ARHGAP12: variants seen among roughly 807,000 people sequenced by gnomAD.
The protein encoded by ARHGAP12 is Rho GTPase activating protein 12.
In ARHGAP12, 64 loss-of-function variants were observed where a neutral mutation model predicts 108.6. That is an observed-to-expected ratio of 0.59 (90% CI 0.48 to 0.73). The LOEUF is 0.73. Ranked by LOEUF, ARHGAP12 falls within the 30% of genes least tolerant of loss-of-function variation. ARHGAP12 has a pLI of 0.00. For synonymous variants in ARHGAP12, 312 were observed against 337.2 expected (o/e 0.93, Z 0.82); for missense variants, 940 against 1,005.9 (o/e 0.93, Z 0.89).
intron 12 of ARHGAP12, among the ~76,000 whole-genome samples, chr10:31,818,566 C>T (rs1835294060): frequency 6.6e-6 from 1 of 152,184 alleles, no homozygotes; most frequent in Admixed American, 6.5e-5. Flanking sequence ...GAAAGCACTC[C>T]TCCCATTTTC....
At position 31,860,557 on chromosome 10, in the gene ARHGAP12, G is replaced by A. The variant is rs1015435864; in HGVS notation, c.948+838C>T. Among the ~76,000 whole-genome samples the A allele has an allele frequency of 5.3e-5, 8 of 152,166 alleles. No homozygotes were observed. In the East Asian group the frequency reaches 1.3e-3, roughly 26 times the overall value. On this transcript the variant is annotated intron_variant, in intron 4 of 19. Coordinates refer to ENST00000344936, the MANE Select transcript of ARHGAP12 (RefSeq NM_018287.7). ...AGAAAAAGAGTACAGACACTTGTTA[G>A]AGAAAATAATGATTTTAAAGTGAAT...
chr10:31,816,564 C>T (rs1835212935), intron 13 of ARHGAP12, among the ~76,000 whole-genome samples: 1 of 152,104 alleles, frequency 6.6e-6, no homozygotes, highest in African/African-American at 2.4e-5. Context: ...AGTGAACAGA[C>T]TACTGTGACT....
chr10:31,883,723 T>TG (rs1298928790), intron 3 of ARHGAP12, among the ~76,000 whole-genome samples: 1 of 151,946 alleles, frequency 6.6e-6, no homozygotes, highest in African/African-American at 2.4e-5. Context: ...CTTTTTTTTT[T>TG]TTTTTTGAGA....
Position 31,807,491 on chromosome 10 carries a change from G to A in ARHGAP12, c.*167C>T, listed in dbSNP as rs1834857346. Reference sequence around the variant, plus strand: ...CAACTTGCAACAAAGCAGCAAATATGAGGGCCTAACACACATCTCGACTCT... The same window carrying A: ...CAACTTGCAACAAAGCAGCAAATATAAGGGCCTAACACACATCTCGACTCT... On this transcript the variant is annotated 3_prime_UTR_variant, in exon 20 of 20. Coordinates refer to ENST00000344936, the MANE Select transcript of ARHGAP12 (RefSeq NM_018287.7). 1 of 493,740 alleles carries A rather than the reference G, an allele frequency of 2.0e-6. No homozygotes were observed. The highest frequency in any genetic ancestry group is 3.5e-6 in the Non-Finnish European group (1 of 289,512). The allele number at this position is 493,740 out of a possible 1,614,324, so 30.6% of individuals were successfully genotyped here.
intron 1 of ARHGAP12, among the ~76,000 whole-genome samples, chr10:31,924,526 T>C (rs1293847514): frequency 6.6e-6 from 1 of 152,240 alleles, no homozygotes; most frequent in Non-Finnish European, 1.5e-5. Flanking sequence ...TTCACTTAGA[T>C]TAATGCTTTT....
chr10:31,807,375 T>C lies in ARHGAP12; in HGVS notation c.*283A>G, dbSNP rs1314727310. On this transcript the variant is annotated 3_prime_UTR_variant, in exon 20 of 20. Coordinates refer to ENST00000344936, the MANE Select transcript of ARHGAP12 (RefSeq NM_018287.7). ...AAATTATCCAGTGTATATGACTGGT[T>C]AGAATTTTAAGTTTTGATTTTTACT... 1 of 289,254 alleles carries C rather than the reference T, an allele frequency of 3.5e-6. No individual in the cohort carries two copies. The highest frequency in any genetic ancestry group is 6.4e-6 in the Non-Finnish European group (1 of 156,334). The allele number at this position is 289,254 out of a possible 1,614,324, so 17.9% of individuals were successfully genotyped here. A position where few individuals can be genotyped will look rare whatever the true frequency, so the allele number is the denominator to read the frequency against.
Position 31,908,646 on chromosome 10 carries a change from C to T in ARHGAP12, c.210G>A (p.Lys70=), listed in dbSNP as rs1211386432. ...GCATGAGAGCTTTGCGCGTGACCTC[C>T]TTCACATACTGGGCTGGCACATAAA... ...KAFYVPAQYV[K]EVTRKALMPP... Residue 70 remains lysine (K), a synonymous_variant, in exon 3 of 20, where the codon AAG becomes AAA. Coordinates refer to ENST00000344936, the MANE Select transcript of ARHGAP12 (RefSeq NM_018287.7). 1 of 1,614,062 alleles carries T rather than the reference C, an allele frequency of 6.2e-7. No individual in the cohort carries two copies. The highest frequency in any genetic ancestry group is 1.3e-5 in the African/African-American group (1 of 74,944).
At chr10:31,913,077 G>A (rs1436186737) in intron 1 of ARHGAP12, 1 of 152,166 alleles carries the variant, frequency 6.6e-6, no homozygotes, top group Non-Finnish European at 1.5e-5. Flanking sequence ...ACAACGCCAG[G>A]GCAAGTGTGA....
chr10:31,921,326 A>G (rs1489124910), intron 1 of ARHGAP12, among the ~76,000 whole-genome samples: 2 of 152,214 alleles, frequency 1.3e-5, no homozygotes, highest in African/African-American at 4.8e-5. Flanking sequence ...ATGAAAATGA[A>G]AACATGTAAT....
intron 3 of ARHGAP12, among the ~76,000 whole-genome samples, chr10:31,891,859 C>A (rs1242615189): frequency 1.3e-5 from 2 of 152,170 alleles, no homozygotes; most frequent in East Asian, 1.9e-4. Flanking sequence ...ACCTCTTCTT[C>A]CAGCTGATCG....
intron 9 of ARHGAP12, among the ~76,000 whole-genome samples, chr10:31,834,057 T>C (rs1371540473): frequency 1.3e-5 from 2 of 152,224 alleles, no homozygotes; most frequent in South Asian, 2.1e-4. Context: ...GAAGACAAAA[T>C]TGACAGGGAC....
intron 11 of ARHGAP12, among the ~76,000 whole-genome samples, chr10:31,822,960 G>C (rs1394808165): frequency 6.6e-6 from 1 of 152,084 alleles, no homozygotes; most frequent in Non-Finnish European, 1.5e-5. Flanking sequence ...GCCCAAAAGA[G>C]TGACTATTTT....
intron 1 of ARHGAP12, among the ~76,000 whole-genome samples, chr10:31,918,361 C>A (rs1466575233): frequency 1.6e-5 from 2 of 128,926 alleles, no homozygotes; most frequent in Non-Finnish European, 3.3e-5. Flanking sequence ...ACACACACAC[C>A]AATGAGATAC....
intron 3 of ARHGAP12, among the ~76,000 whole-genome samples, chr10:31,870,021 G>A (rs1420422259): frequency 6.6e-6 from 1 of 152,046 alleles, no homozygotes; most frequent in Non-Finnish European, 1.5e-5. Context: ...TTGCTGAATA[G>A]TATAAATCCC....
intron 7 of ARHGAP12, among the ~76,000 whole-genome samples, chr10:31,840,182 A>C (rs1189326847): frequency 6.6e-6 from 1 of 152,082 alleles, no homozygotes; most frequent in Non-Finnish European, 1.5e-5. Flanking sequence ...CTATATAAGA[A>C]ATTAAATTGC....
At chr10:31,850,196 A>C in intron 6 of ARHGAP12, among the ~76,000 whole-genome samples, 1 of 152,214 alleles carries the variant, frequency 6.6e-6, no homozygotes, top group East Asian at 1.9e-4. Flanking sequence ...CAAATCTGTC[A>C]AGCGGAACAA....
rs146100151 is a variant in ARHGAP12, at chr10:31,917,405, A to C, written c.-110-6842T>G. Among the ~76,000 whole-genome samples, 45 of 152,212 alleles carry C rather than the reference A, an allele frequency of 3.0e-4. No homozygotes were observed. The East Asian group carries it at 7.2e-3, about 24-fold the overall frequency. On this transcript the variant is annotated intron_variant, in intron 1 of 19. Transcript: ENST00000344936. ...CTCCAACAGAGCAAGACTTAGTCTC[A>C]AAAAAATAAAAAAGAAAAGAAATCA...
At chr10:31,814,482 A>G in intron 13 of ARHGAP12, 121 bp from the exon 14 acceptor site, 1 of 740,810 alleles carries the variant, frequency 1.3e-6, no homozygotes, top group Non-Finnish European at 2.3e-6. Flanking sequence ...GAAACCAATT[A>G]GTATACAGTA....
In ARHGAP12 at chr10:31,839,781, G is replaced by A. The variant is rs117202985; in HGVS notation, c.1297-70C>T. ...TTATATTTCTGCCTCTACTCACAGTGGGAGAGCTTAGTAAGAGAGAATAAC... is the reference window on the plus strand; with the variant it reads ...TTATATTTCTGCCTCTACTCACAGTAGGAGAGCTTAGTAAGAGAGAATAAC... On this transcript the variant is annotated intron_variant, in intron 7 of 19. Transcript: ENST00000344936. The A allele has an allele frequency of 3.6e-4, 464 of 1,277,580 alleles. 1 individual carries two copies. Among genetic ancestry groups the A allele is most frequent in the Non-Finnish European group, 4.5e-4 (420 of 927,962 alleles). 79.1% of individuals were successfully genotyped at this position (1,277,580 alleles called of 1,614,324 possible). A position where few individuals can be genotyped will look rare whatever the true frequency, so the allele number is the denominator to read the frequency against.
Sources: gnomAD v4.1 joint callset for allele counts (sites outside exome capture counted in the v4.1 genomes callset) on GRCh38, gnomAD v4.1.1 for gene constraint, MANE v1.5 for transcripts, NCBI Gene and HGNC (gene_info 2026-07-23, HGNC 2026-07-21) for gene names.